Variants in ADH1C observed in about 807,000 individuals in gnomAD.
ADH1C encodes alcohol dehydrogenase 1C (class I), gamma polypeptide, also known as alcohol dehydrogenase 1C.
Under a neutral mutation model 35.0 loss-of-function variants are expected in ADH1C, and 26 were observed. The ratio of observed to expected loss-of-function variants is 0.74; its 90% CI spans 0.54 to 1.03. The LOEUF (loss-of-function observed/expected upper bound fraction) is 1.03, where lower values mean the gene tolerates loss of function less well. ADH1C is among the 50% of genes least tolerant of loss of function. The pLI, the probability that ADH1C is intolerant of heterozygous loss-of-function variation, is 0.00. For synonymous variants in ADH1C, 170 were observed against 169.3 expected (o/e 1.00, Z -0.03); for missense variants, 413 against 465.4 (o/e 0.89, Z 1.04).
intron 8 of ADH1C, among the ~76,000 whole-genome samples, chr4:99,339,004 G>A (rs917174969): frequency 5.9e-5 from 9 of 151,474 alleles, no homozygotes; most frequent in Admixed American, 3.9e-4. Context: ...TTTAAAATAG[G>A]GTTTAGTACC....
intron 1 of ADH1C, among the ~76,000 whole-genome samples, chr4:99,351,771 T>C (rs1734684641): frequency 6.6e-6 from 1 of 152,216 alleles, no homozygotes; most frequent in African/African-American, 2.4e-5. Flanking sequence ...TGTGATACAC[T>C]CCTAGCACAA....
chr4:99,346,093 C>A (rs996587818), intron 3 of ADH1C, among the ~76,000 whole-genome samples: 2 of 152,078 alleles, frequency 1.3e-5, no homozygotes, highest in Non-Finnish European at 2.9e-5. Flanking sequence ...TTTTCACAGT[C>A]TAAATTAGTA....
chr4:99,343,166 G>A lies in ADH1C; in HGVS notation c.568-111C>T, dbSNP rs570149120. 9 of 1,442,306 alleles carry A rather than the reference G, an allele frequency of 6.2e-6. No individual in the cohort carries two copies. The East Asian group carries it at 1.8e-4, about 30-fold the overall frequency. 89.3% of individuals were successfully genotyped at this position (1,442,306 alleles called of 1,614,324 possible). On this transcript the variant is annotated intron_variant, in intron 5 of 8. Transcript: ENST00000515683. ...TATCAAGAACTACTCAGACTCTTCT[G>A]TCCAATCTGTTATCGAAACCTGTTT...
intron 6 of ADH1C, among the ~76,000 whole-genome samples, chr4:99,341,153 T>A (rs1734405939): frequency 6.6e-6 from 1 of 152,244 alleles, no homozygotes; most frequent in African/African-American, 2.4e-5. Context: ...AATTAGTCTC[T>A]TGTCCACTTG....
chr4:99,337,060 G>A (rs763715700), intron 8 of ADH1C, among the ~76,000 whole-genome samples: 15 of 152,124 alleles, frequency 9.9e-5, no homozygotes, highest in South Asian at 2.1e-4. Context: ...TCATTTTGGC[G>A]TGCCCAAGTT....
intron 1 of ADH1C, among the ~76,000 whole-genome samples, chr4:99,349,314 AG>A (rs1480202834): frequency 6.6e-6 from 1 of 151,654 alleles, no homozygotes; most frequent in Non-Finnish European, 1.5e-5. Context: ...ATAAGGTGTA[AG>A]GAAGGGATCC....
chr4:99,347,222 A>T, intron 2 of ADH1C, 78 bp from the exon 3 acceptor site: 1 of 1,517,018 alleles, frequency 6.6e-7, no homozygotes, highest in South Asian at 1.3e-5. Flanking sequence ...CAATTTTCTA[A>T]AATTGTTATT....
chr4:99,352,706 G>A lies in ADH1C; in HGVS notation c.-31C>T. ...TTCTGTCTTCTCTGCAGACCAGGAG[G>A]CTGGTGAGTACTTGTGGATTTCTTC... On this transcript the variant is annotated 5_prime_UTR_variant, in exon 1 of 9. Coordinates refer to ENST00000515683, the MANE Select transcript of ADH1C (RefSeq NM_000669.5). The A allele has an allele frequency of 6.2e-7, 1 of 1,612,126 alleles. No individual in the cohort carries two copies.
intron 6 of ADH1C, among the ~76,000 whole-genome samples, chr4:99,341,055 T>A (rs1280494908): frequency 6.6e-6 from 1 of 152,232 alleles, no homozygotes; most frequent in Non-Finnish European, 1.5e-5. Flanking sequence ...TGGTTCCTTT[T>A]TCATTGATTT....
At chr4:99,348,257 C>G (rs1235442122) in intron 1 of ADH1C, among the ~76,000 whole-genome samples, 1 of 144,698 alleles carries the variant, frequency 6.9e-6, no homozygotes, top group East Asian at 2.1e-4. Flanking sequence ...GGTATATCTC[C>G]CAATGCTATC....
At position 99,344,941 on chromosome 4, in the gene ADH1C, G is replaced by A. The variant is rs1734495226; in HGVS notation, c.488C>T (p.Ala163Val). ...GCAGACTTTCTCCAGGGGCGAGGCT[G>A]CATCAATTTTGGCCACTGCATTCTC... ...VDENAVAKID[A>V]ASPLEKVCLI... Residue 163 changes from alanine to valine, a missense_variant, in exon 5 of 9, where the codon GCA becomes GTA. Physicochemically the swap from Ala to Val is moderately conservative, Grantham distance 64. Transcript: ENST00000515683. The A allele has an allele frequency of 6.2e-7, 1 of 1,614,072 alleles. No individual in the cohort carries two copies. Among genetic ancestry groups the A allele is most frequent in the Non-Finnish European group, 8.5e-7 (1 of 1,180,034 alleles).
chr4:99,344,717 C>G, intron 5 of ADH1C, 145 bp downstream of exon 5: 1 of 1,028,458 alleles, frequency 9.7e-7, no homozygotes. Context: ...AGCCTGTGCT[C>G]TCAGTTCTTT....
At position 99,345,176 on chromosome 4, in the gene ADH1C, T is replaced by G. The variant is rs1441372897; in HGVS notation, c.347+3A>C. The G allele has an allele frequency of 1.2e-6, 2 of 1,613,886 alleles. No homozygotes were observed. Among genetic ancestry groups the G allele is most frequent in the Non-Finnish European group, 8.5e-7 (1 of 1,179,844 alleles). On this transcript the variant is annotated splice_donor_region_variant and intron_variant, in intron 4 of 8. Coordinates refer to ENST00000515683, the MANE Select transcript of ADH1C (RefSeq NM_000669.5). The stretch of plus-strand genomic sequence containing the variant: ...CTGTGCAAAGAAAGCATCAGAAACT[T>G]ACTCATTTTTCAAGCAGTAGTTGCT...
Position 99,345,092 on chromosome 4 carries a change from C to T in ADH1C, c.348-11G>A. On this transcript the variant is annotated splice_polypyrimidine_tract_variant and intron_variant, in intron 4 of 8. Coordinates refer to ENST00000515683, the MANE Select transcript of ADH1C (RefSeq NM_000669.5). ...CGAGGATTGCCTAGACTGGGCAGTG[C>T]AATACAAAGACACACAAAGGCATGA... 6.2e-7 allele frequency: 1 copy of T among 1,614,114 alleles called. No homozygotes were observed. Among genetic ancestry groups the T allele is most frequent in the Non-Finnish European group, 8.5e-7 (1 of 1,180,002 alleles).
At position 99,336,623 on chromosome 4, in the gene ADH1C, A is replaced by G; in HGVS notation, c.*129T>C. The G allele has an allele frequency of 3.5e-6, 4 of 1,135,870 alleles. No individual in the cohort carries two copies. The highest frequency in any genetic ancestry group is 5.1e-6 in the Non-Finnish European group (4 of 785,218). 70.4% of individuals were successfully genotyped at this position (1,135,870 alleles called of 1,614,324 possible). Reference sequence around the variant, plus strand: ...CCCATCAATTTCCATTTCTTTGGAAAGCTCCCACGTGTAATTTATTTTTAA... The same window carrying G: ...CCCATCAATTTCCATTTCTTTGGAAGGCTCCCACGTGTAATTTATTTTTAA... On this transcript the variant is annotated 3_prime_UTR_variant, in exon 9 of 9. Coordinates refer to ENST00000515683, the MANE Select transcript of ADH1C (RefSeq NM_000669.5).
intron 3 of ADH1C, among the ~76,000 whole-genome samples, chr4:99,345,619 T>A (rs1734514545): frequency 6.6e-6 from 1 of 152,238 alleles, no homozygotes; most frequent in Non-Finnish European, 1.5e-5. Context: ...CTAAATATTT[T>A]TGCTGTAAGT....
At chr4:99,347,165 G>A (rs151296609) in intron 2 of ADH1C, 21 bp from the exon 3 acceptor site, 106 of 1,605,202 alleles carry the variant, frequency 6.6e-5, no homozygotes, top group South Asian at 3.8e-4. Flanking sequence ...AAGAGAAGAT[G>A]TTTAGATTCA....
chr4:99,345,391 T>A, intron 3 of ADH1C, 125 bp from the exon 4 acceptor site: 1 of 1,016,554 alleles, frequency 9.8e-7, no homozygotes, highest in Non-Finnish European at 1.4e-6. Context: ...TAGGGTCTAG[T>A]CACAACTATG....
chr4:99,339,597 G>C lies in ADH1C; in HGVS notation c.1083C>G (p.Asp361Glu). 1 of 1,594,914 alleles carries C rather than the reference G, an allele frequency of 6.3e-7. No individual in the cohort carries two copies. The highest frequency in any genetic ancestry group is 8.5e-7 in the Non-Finnish European group (1 of 1,170,204). ...TCTACCTCTTTCCAGAGCGAAGCAG[G>C]TCAAATCCTTCATTTATTTTTTCAA... ...LPFEKINEGFDLLRSGKSIRT... is the reference protein window; with the variant it reads ...LPFEKINEGFELLRSGKSIRT... Residue 361 changes from aspartate (D) to glutamate (E), a missense_variant, in exon 8 of 9, where the codon GAC becomes GAG. Physicochemically the swap from Asp to Glu is conservative, Grantham distance 45. Transcript: ENST00000515683.
Sources: allele counts gnomAD v4.1 joint callset (sites outside exome capture counted in the v4.1 genomes callset), GRCh38; gene constraint gnomAD v4.1.1; transcripts MANE v1.5; gene names NCBI Gene and HGNC (gene_info 2026-07-23, HGNC 2026-07-21).